ZNF521: variants seen among roughly 807,000 people sequenced by gnomAD.
ZNF521 encodes zinc finger protein 521.
A neutral mutation model predicts 105.5 loss-of-function variants in ZNF521; 14 were observed. The observed-to-expected ratio is 0.13, with a 90% CI of 0.09 to 0.21. The LOEUF (loss-of-function observed/expected upper bound fraction) is 0.21. Among genes scored for constraint, ZNF521 ranks in the 10% least tolerant of loss-of-function variants. ZNF521 has a pLI of 1.00. For synonymous variants in ZNF521, 635 were observed against 606.0 expected, an observed-to-expected ratio of 1.05 and a Z score of -0.70; for missense variants, 1,233 against 1,629.7, an observed-to-expected ratio of 0.76 and a Z score of 4.19.
intron 5 of ZNF521, among the ~76,000 whole-genome samples, chr18:25,110,699 TTG>T (rs1452767500): frequency 2.6e-5 from 4 of 150,988 alleles, no homozygotes; most frequent in African/African-American, 7.3e-5. Flanking sequence ...AAAAAAAAAA[TTG>T]TGTGTTTCAA....
chr18:25,077,242 C>A (rs1350577754), intron 7 of ZNF521, among the ~76,000 whole-genome samples: 3 of 152,206 alleles, frequency 2.0e-5, no homozygotes, highest in Non-Finnish European at 2.9e-5. Context: ...GAAGAAAGAA[C>A]GTGAGCTATG....
chr18:25,145,850 T>C (rs2034932161), intron 5 of ZNF521, among the ~76,000 whole-genome samples: 1 of 152,198 alleles, frequency 6.6e-6, no homozygotes, highest in Non-Finnish European at 1.5e-5. Context: ...TTTATTCCCT[T>C]CTAGTGTTTA....
At chr18:25,083,868 T>A (rs940541030) in intron 7 of ZNF521, among the ~76,000 whole-genome samples, 4 of 150,920 alleles carry the variant, frequency 2.7e-5, no homozygotes, top group Non-Finnish European at 4.4e-5. Context: ...CTCCCCAGGT[T>A]CAGGTGATCC....
chr18:25,271,111 T>C (rs1909630027), intron 3 of ZNF521, among the ~76,000 whole-genome samples: 1 of 152,168 alleles, frequency 6.6e-6, no homozygotes, highest in Non-Finnish European at 1.5e-5. Context: ...ATCACAAGCA[T>C]TCCTATACAC....
At chr18:25,065,646 A>G (rs1156793690) in intron 7 of ZNF521, among the ~76,000 whole-genome samples, 1 of 152,174 alleles carries the variant, frequency 6.6e-6, no homozygotes, top group Non-Finnish European at 1.5e-5. Flanking sequence ...TAAAAAAAAA[A>G]AACAGTTTAA....
At chr18:25,067,321 T>C (rs1394258316) in intron 7 of ZNF521, among the ~76,000 whole-genome samples, 2 of 152,204 alleles carry the variant, frequency 1.3e-5, no homozygotes, top group East Asian at 3.8e-4. Flanking sequence ...AGGAGTGTGC[T>C]GTATGTATTT....
intron 5 of ZNF521, among the ~76,000 whole-genome samples, chr18:25,109,950 A>G (rs989649825): frequency 6.6e-6 from 1 of 152,124 alleles, no homozygotes; most frequent in African/African-American, 2.4e-5. Flanking sequence ...GCTGTTTTGT[A>G]TTTAGTTTGA....
At chr18:25,274,873 G>T (rs533346563) in intron 3 of ZNF521, among the ~76,000 whole-genome samples, 36 of 151,942 alleles carry the variant, frequency 2.4e-4, no homozygotes, top group Non-Finnish European at 4.1e-4. Flanking sequence ...CTTCCTCATT[G>T]TTGTATATTT....
At chr18:25,093,441 T>C (rs2033790095) in intron 5 of ZNF521, among the ~76,000 whole-genome samples, 1 of 152,216 alleles carries the variant, frequency 6.6e-6, no homozygotes. Context: ...AAGTCTACAC[T>C]GCAGTTATTT....
chr18:25,076,823 G>A (rs2033373380), intron 7 of ZNF521, among the ~76,000 whole-genome samples: 1 of 152,208 alleles, frequency 6.6e-6, no homozygotes, highest in Non-Finnish European at 1.5e-5. Flanking sequence ...ATTAAACCCA[G>A]TGTTCCAAAA....
chr18:25,289,368 G>A (rs1434509212), intron 3 of ZNF521, among the ~76,000 whole-genome samples: 1 of 152,120 alleles, frequency 6.6e-6, no homozygotes, highest in Non-Finnish European at 1.5e-5. Flanking sequence ...CACATTCAAG[G>A]TTAGAGAGCA....
intron 7 of ZNF521, among the ~76,000 whole-genome samples, chr18:25,081,237 C>T (rs1024147920): frequency 6.6e-6 from 1 of 152,102 alleles, no homozygotes; most frequent in Non-Finnish European, 1.5e-5. Context: ...GGCCATCTGT[C>T]GTCAACTCTG....
chr18:25,259,943 C>G (rs891653431), intron 3 of ZNF521, among the ~76,000 whole-genome samples: 9 of 152,134 alleles, frequency 5.9e-5, no homozygotes, highest in African/African-American at 2.2e-4. Context: ...TTGGTCAGTT[C>G]AAGGAATAGA....
Position 25,330,643 on chromosome 18 carries a change from T to C in ZNF521, c.41-8456A>G, listed in dbSNP as rs150886904. Among the ~76,000 whole-genome samples, 928 of 152,302 alleles carry C rather than the reference T, an allele frequency of 6.1e-3. 11 individuals are homozygous for C. Among genetic ancestry groups the C allele is most frequent in the African/African-American group, 0.022 (898 of 41,550 alleles). On this transcript the variant is annotated intron_variant, in intron 2 of 7. Coordinates refer to ENST00000361524, the MANE Select transcript of ZNF521 (RefSeq NM_015461.3). ...ACCAAAAGAGACATTGATTCTAATA[T>C]CTCTTTCTTATTTCTTCTTTAAATA...
At chr18:25,330,364 C>A (rs1332288722) in intron 2 of ZNF521, among the ~76,000 whole-genome samples, 3 of 151,966 alleles carry the variant, frequency 2.0e-5, no homozygotes, top group Non-Finnish European at 4.4e-5. Context: ...CAGGGTTTCA[C>A]CATGTTGGCC....
At chr18:25,221,250 A>G (rs1246577609) in intron 4 of ZNF521, among the ~76,000 whole-genome samples, 1 of 152,214 alleles carries the variant, frequency 6.6e-6, no homozygotes, top group Admixed American at 6.5e-5. Context: ...CTATTACATA[A>G]CAGCTACCAA....
chr18:25,120,107 G>T (rs2034403899), intron 5 of ZNF521, among the ~76,000 whole-genome samples: 1 of 152,060 alleles, frequency 6.6e-6, no homozygotes, highest in Non-Finnish European at 1.5e-5. Flanking sequence ...GTCTATTAAA[G>T]AAATTGAACT....
At chr18:25,173,087 T>C (rs545532149) in intron 5 of ZNF521, among the ~76,000 whole-genome samples, 37 of 152,364 alleles carry the variant, frequency 2.4e-4, no homozygotes, top group Admixed American at 1.8e-3. Context: ...TTAGCAATAA[T>C]GCATTAGATG....
At chr18:25,238,615 C>T (rs1367234927) in intron 3 of ZNF521, among the ~76,000 whole-genome samples, 1 of 152,224 alleles carries the variant, frequency 6.6e-6, no homozygotes, top group Non-Finnish European at 1.5e-5. Context: ...CCTGTAGGGA[C>T]ATATTCCCTG....
Sources: gnomAD v4.1 joint callset for allele counts (sites outside exome capture counted in the v4.1 genomes callset) on GRCh38, gnomAD v4.1.1 for gene constraint, MANE v1.5 for transcripts, NCBI Gene and HGNC (gene_info 2026-07-23, HGNC 2026-07-21) for gene names.